Variants in DHX36 observed in about 807,000 individuals in gnomAD.
The protein encoded by DHX36 is ATP-dependent DNA/RNA helicase DHX36.
A neutral mutation model predicts 139.0 loss-of-function variants in DHX36; 50 were observed. The ratio of observed to expected loss-of-function variants is 0.36; its 90% confidence interval spans 0.29 to 0.46. The LOEUF (loss-of-function observed/expected upper bound fraction) is 0.46. Ranked by LOEUF, DHX36 falls within the 20% of genes least tolerant of loss-of-function variation. The pLI is 1.00. For synonymous variants in DHX36, 425 were observed against 401.9 expected (o/e 1.06, Z -0.69); for missense variants, 1,024 against 1,211.3 (o/e 0.85, Z 2.29).
Position 154,295,235 on chromosome 3 carries a change from G to A in DHX36, c.1605+49C>T, listed in dbSNP as rs777082266. 10 of 1,169,600 alleles carry A rather than the reference G, an allele frequency of 8.5e-6. No homozygotes were observed. The South Asian group carries it at 1.3e-4, about 15-fold the overall frequency. The allele number at this position is 1,169,600 out of a possible 1,614,324, so 72.5% of individuals were successfully genotyped here. A position where few individuals can be genotyped will look rare whatever the true frequency, so the allele number is the denominator to read the frequency against. ...AAACACGTAACAAGCAGTCCTTAAA[G>A]CTTGCCTCAGTTTGAAATACATTTA... On this transcript the variant is annotated intron_variant, in intron 13 of 24. Transcript: ENST00000496811.
At chr3:154,295,468 T>A in intron 12 of DHX36, 129 bp from the exon 13 acceptor site, 1 of 443,046 alleles carries the variant, frequency 2.3e-6, no homozygotes, top group Non-Finnish European at 4.1e-6. Flanking sequence ...GAACATTATT[T>A]AATGAAAACA....
intron 1 of DHX36, among the ~76,000 whole-genome samples, chr3:154,320,316 G>A (rs533818473): frequency 6.6e-6 from 1 of 150,512 alleles, no homozygotes; most frequent in South Asian, 2.1e-4. Context: ...CAGCAACACT[G>A]GCATCACCTG....
At chr3:154,317,732 T>C (rs1472266515) in intron 1 of DHX36, among the ~76,000 whole-genome samples, 1 of 152,020 alleles carries the variant, frequency 6.6e-6, no homozygotes, top group Admixed American at 6.6e-5. Flanking sequence ...GTTTTGATTT[T>C]TGGGGAAAAA....
rs1576874919 is a variant in DHX36 at position 154,306,349 on chromosome 3, C to T, written c.814-54G>A. 3 of 1,444,778 alleles carry T rather than the reference C, an allele frequency of 2.1e-6. No homozygotes were observed. The East Asian group carries it at 6.8e-5, about 33-fold the overall frequency. 89.5% of individuals were successfully genotyped at this position (1,444,778 alleles called of 1,614,324 possible). A position where few individuals can be genotyped will look rare whatever the true frequency, so the allele number is the denominator to read the frequency against. On this transcript the variant is annotated intron_variant, in intron 5 of 24. Transcript: ENST00000496811. Reference sequence around the variant, plus strand: ...TATAATTTCCTTTAGAACAAATATCCTGAATGTCCATGAAAATCTAGGACT... The same window carrying T: ...TATAATTTCCTTTAGAACAAATATCTTGAATGTCCATGAAAATCTAGGACT...
intron 11 of DHX36, among the ~76,000 whole-genome samples, 195 bp from the exon 12 acceptor site, chr3:154,300,120 G>A (rs1712207016): frequency 6.6e-6 from 1 of 152,044 alleles, no homozygotes; most frequent in Non-Finnish European, 1.5e-5. Context: ...CCAGGATGGA[G>A]TACAATGGCA....
chr3:154,291,440 CA>C (rs1370445604), intron 15 of DHX36, among the ~76,000 whole-genome samples: 1 of 152,126 alleles, frequency 6.6e-6, no homozygotes, highest in Admixed American at 6.5e-5. Context: ...CTTTTTGAAT[CA>C]ATATTTAGAG....
rs755083794 is a variant in DHX36, at chr3:154,280,688, T to C, written c.2477-19A>G. On this transcript the variant is annotated intron_variant, in intron 21 of 24. Transcript: ENST00000496811. The stretch of plus-strand genomic sequence containing the variant: ...TCATTATCTATGGGGGGTGAGAAGG[T>C]AGAGGGGAAAAGAAAAGTAAAATAC... 1.9e-6 allele frequency: 3 copies of C among 1,608,878 alleles called. No homozygotes were observed.
Position 154,273,084 on chromosome 3 carries a change from T to G in DHX36, c.*3087A>C, listed in dbSNP as rs993873555. The G allele has an allele frequency of 2.0e-5, 3 of 152,210 alleles. No individual in the cohort carries two copies. The highest frequency in any genetic ancestry group is 4.4e-5 in the Non-Finnish European group (3 of 68,030). 9.4% of individuals were successfully genotyped at this position (152,210 alleles called of 1,614,324 possible). A position where few individuals can be genotyped will look rare whatever the true frequency, so the allele number is the denominator to read the frequency against. ...AAAGTTTCTGTTTCAGGTTTTTTTT[T>G]TAAGAGTTATTCTCTGCATTACTCA... On this transcript the variant is annotated 3_prime_UTR_variant, in exon 25 of 25. Transcript: ENST00000496811.
chr3:154,276,702 G>A lies in DHX36; in HGVS notation c.2841+45C>T, dbSNP rs762149375. The A allele has an allele frequency of 5.1e-6, 8 of 1,583,458 alleles. No homozygotes were observed. The South Asian group carries it at 9.0e-5, about 18-fold the overall frequency. On this transcript the variant is annotated intron_variant, in intron 24 of 24. Transcript: ENST00000496811. ...TTAGAACAAAACCACATGACCACATGCTGACTTACATGTAGATTTAAGATA... is the reference window on the plus strand; with the variant it reads ...TTAGAACAAAACCACATGACCACATACTGACTTACATGTAGATTTAAGATA...
intron 1 of DHX36, 150 bp downstream of exon 1, chr3:154,324,024 G>C (rs891018355): frequency 1.1e-6 from 1 of 934,798 alleles, no homozygotes; most frequent in Non-Finnish European, 1.6e-6. Context: ...CACCCGCTAC[G>C]GGGAGCGCCA....
intron 20 of DHX36, among the ~76,000 whole-genome samples, chr3:154,282,906 A>G (rs1719374270): frequency 6.6e-6 from 1 of 152,188 alleles, no homozygotes; most frequent in South Asian, 2.1e-4. Context: ...AGTGTTAGCA[A>G]AAATTCTCAG....
rs1711708475 is a variant in DHX36, at chr3:154,289,757, C to A, written c.1884G>T (p.Leu628=). Residue 628 remains leucine (L), a synonymous_variant, in exon 16 of 25, where the codon CTG becomes CTT. Transcript: ENST00000496811. The part of the protein sequence containing the change: ...LRASLLDDYQ[L]PEILRTPLEE... Reference sequence around the variant, plus strand: ...CCAAAGGAGTTCTCAAAATTTCTGGCAGTTGATAGTCATCTAGAAGACTTG... The same window carrying A: ...CCAAAGGAGTTCTCAAAATTTCTGGAAGTTGATAGTCATCTAGAAGACTTG... The A allele has an allele frequency of 1.2e-6, 2 of 1,613,202 alleles. No homozygotes were observed. Among genetic ancestry groups the A allele is most frequent in the Non-Finnish European group, 8.5e-7 (1 of 1,179,570 alleles).
At chr3:154,318,927 T>A (rs181627986) in intron 1 of DHX36, among the ~76,000 whole-genome samples, 2 of 152,320 alleles carry the variant, frequency 1.3e-5, no homozygotes, top group African/African-American at 4.8e-5. Context: ...GAGAAGTCTG[T>A]CAATGGAAGG....
chr3:154,309,563 T>TTAAGAATCACTCCACACC, intron 5 of DHX36, 90 bp downstream of exon 5: 1 of 1,175,810 alleles, frequency 8.5e-7, no homozygotes, highest in Non-Finnish European at 1.1e-6. Flanking sequence ...CTAAGCCTAA[T>TTAAGAATCACTCCACACC]TAAGAATCAC....
chr3:154,298,643 G>A (rs772839544), intron 12 of DHX36, among the ~76,000 whole-genome samples: 49 of 152,252 alleles, frequency 3.2e-4, no homozygotes, highest in South Asian at 2.9e-3. Flanking sequence ...CTGGCTGGGC[G>A]TGGTGGCTCA....
At position 154,308,242 on chromosome 3, in the gene DHX36, G is replaced by A. The variant is rs143417960; in HGVS notation, c.813+1411C>T. ...ACACTTCTTTTTAAAAAGGGGTGAA[G>A]TCTACTGCTCTTTCTTTATAGTACT... On this transcript the variant is annotated intron_variant, in intron 5 of 24. Coordinates refer to ENST00000496811, the MANE Select transcript of DHX36 (RefSeq NM_020865.3). Among the ~76,000 whole-genome samples the A allele has an allele frequency of 5.6e-3, 858 of 152,242 alleles. 7 individuals carry two copies. The highest frequency in any genetic ancestry group is 0.02 in the African/African-American group (834 of 41,540).
intron 1 of DHX36, among the ~76,000 whole-genome samples, chr3:154,322,569 T>C (rs1347134621): frequency 6.6e-6 from 1 of 152,228 alleles, no homozygotes; most frequent in Non-Finnish European, 1.5e-5. Context: ...CATTTGGCCT[T>C]GCCAAGTGAA....
chr3:154,317,604 AG>A (rs1032523018), intron 1 of DHX36, among the ~76,000 whole-genome samples: 10 of 152,106 alleles, frequency 6.6e-5, no homozygotes, highest in Admixed American at 3.3e-4. Context: ...GTGTTAAAAA[AG>A]GACTCAGAAG....
chr3:154,302,177 G>T (rs922748606), intron 9 of DHX36, among the ~76,000 whole-genome samples: 2 of 151,930 alleles, frequency 1.3e-5, no homozygotes, highest in Non-Finnish European at 2.9e-5. Flanking sequence ...TAGCACAGGA[G>T]AGATAGTAAG....
Sources: gnomAD v4.1 joint callset for allele counts (sites outside exome capture counted in the v4.1 genomes callset) on GRCh38, gnomAD v4.1.1 for gene constraint, MANE v1.5 for transcripts, NCBI Gene and HGNC (gene_info 2026-07-23, HGNC 2026-07-21) for gene names.